Variants in AKAP19 observed in about 807,000 individuals in gnomAD.
AKAP19 encodes the protein small A-kinase anchoring protein.
At chr2:189,937,129 C>T in the AKAP19 span, among the ~76,000 whole-genome samples, 1 of 151,992 alleles carries the variant, frequency 6.6e-6, no homozygotes, top group Non-Finnish European at 1.5e-5. Context: ...AGCAAGACCC[C>T]CTGTCTCTTC....
At chr2:190,192,801 G>A in the AKAP19 span, among the ~76,000 whole-genome samples, 3 of 151,972 alleles carry the variant, frequency 2.0e-5, no homozygotes, top group African/African-American at 7.2e-5. Flanking sequence ...ATTGCAAATG[G>A]CATTAATTTC....
At chr2:190,179,814 T>C in the AKAP19 span, among the ~76,000 whole-genome samples, 6 of 152,234 alleles carry the variant, frequency 3.9e-5, no homozygotes, top group Admixed American at 1.3e-4. The surrounding 1 kb of genome is among the most constrained non-coding windows in gnomAD (Gnocchi z 6.0). Context: ...GTCAAAATTA[T>C]CACTAAGGTC....
chr2:189,962,964 C>T, the AKAP19 span, among the ~76,000 whole-genome samples: 1 of 152,016 alleles, frequency 6.6e-6, no homozygotes, highest in Non-Finnish European at 1.5e-5. Context: ...TGTAGTAAAA[C>T]TTCTTTCAAA....
chr2:189,977,582 A>G, the AKAP19 span, among the ~76,000 whole-genome samples: 1 of 152,238 alleles, frequency 6.6e-6, no homozygotes, highest in African/African-American at 2.4e-5. Context: ...AGAGATAAGC[A>G]GTTGACCACT....
At chr2:189,933,919 T>C in the AKAP19 span, among the ~76,000 whole-genome samples, 1 of 152,102 alleles carries the variant, frequency 6.6e-6, no homozygotes. Context: ...TGGCATGTCC[T>C]AAGAAGTCCA....
chr2:190,055,864 T>C, the AKAP19 span: 1 of 152,188 alleles, frequency 6.6e-6, no homozygotes, highest in African/African-American at 2.4e-5. Flanking sequence ...CATTATCAAA[T>C]TATAAAATAA....
chr2:190,026,593 CA>C, the AKAP19 span, among the ~76,000 whole-genome samples: 2 of 152,012 alleles, frequency 1.3e-5, no homozygotes, highest in Non-Finnish European at 2.9e-5. Context: ...CAAAAGTAAA[CA>C]AAAAAGAATG....
At chr2:190,180,460 G>T in the AKAP19 span, 2 of 985,574 alleles carry the variant, frequency 2.0e-6, no homozygotes, top group South Asian at 9.4e-5. This position sits in a 1 kb window ranked among gnomAD's most constrained non-coding sequence, Gnocchi z 6.8. Context: ...CAGGGCCAGC[G>T]AAATGCCTCG....
the AKAP19 span, among the ~76,000 whole-genome samples, chr2:190,194,266 T>C: frequency 6.6e-6 from 1 of 152,160 alleles, no homozygotes; most frequent in African/African-American, 2.4e-5. Flanking sequence ...GAGCATAATG[T>C]TGTTCAGAAC....
At chr2:189,987,828 G>A in the AKAP19 span, among the ~76,000 whole-genome samples, 40 of 152,274 alleles carry the variant, frequency 2.6e-4, no homozygotes, top group African/African-American at 9.1e-4. Flanking sequence ...CACCCAAGGG[G>A]TTCACCTTGC....
At chr2:189,985,017 A>G in the AKAP19 span, among the ~76,000 whole-genome samples, 3 of 152,244 alleles carry the variant, frequency 2.0e-5, no homozygotes, top group East Asian at 1.9e-4. Context: ...TCAAATTGCC[A>G]CTGATAATGT....
chr2:189,889,511 T>A, the AKAP19 span, among the ~76,000 whole-genome samples: 1 of 152,212 alleles, frequency 6.6e-6, no homozygotes, highest in Non-Finnish European at 1.5e-5. Context: ...TGGTACCCTC[T>A]CCTCTTTGTA....
chr2:189,930,827 T>C, the AKAP19 span: 1 of 798,096 alleles, frequency 1.3e-6, no homozygotes, highest in African/African-American at 1.7e-5. Context: ...CTTTGAGCTA[T>C]CCTAATTTGT....
At chr2:190,007,129 A>C in the AKAP19 span, among the ~76,000 whole-genome samples, 1 of 152,264 alleles carries the variant, frequency 6.6e-6, no homozygotes, top group Non-Finnish European at 1.5e-5. Flanking sequence ...TGTACATTTA[A>C]TCACAGTAGA....
At chr2:190,168,728 C>G in the AKAP19 span, among the ~76,000 whole-genome samples, 336 of 152,324 alleles carry the variant, frequency 2.2e-3, 1 homozygote, top group Middle Eastern at 0.027. Context: ...TCACCAGTCT[C>G]TTTGCTAAAA....
chr2:190,029,350 C>A, the AKAP19 span, among the ~76,000 whole-genome samples: 1 of 151,976 alleles, frequency 6.6e-6, no homozygotes, highest in Admixed American at 6.6e-5. Flanking sequence ...CCGCGCCCAG[C>A]CACATGTAGG....
chr2:190,070,622 C>CCG, the AKAP19 span, among the ~76,000 whole-genome samples: 282 of 136,722 alleles, frequency 2.1e-3, 2 homozygotes, highest in African/African-American at 7.5e-3. Context: ...TCTCCCCCCC[C>CCG]CCTTTTTTTT....
the AKAP19 span, among the ~76,000 whole-genome samples, chr2:189,971,739 GAGC>G: frequency 6.6e-6 from 1 of 152,170 alleles, no homozygotes; most frequent in South Asian, 2.1e-4. Flanking sequence ...GGCCAGTGAT[GAGC>G]ATTTTTTATT....
chr2:189,920,870 G>T, the AKAP19 span, among the ~76,000 whole-genome samples: 1 of 152,174 alleles, frequency 6.6e-6, no homozygotes, highest in African/African-American at 2.4e-5. Context: ...AAGGGTTAAT[G>T]CTTTCTAGGA....
Sources: gnomAD v4.1 joint callset for allele counts (sites outside exome capture counted in the v4.1 genomes callset) on GRCh38, gnomAD v4.1.1 for gene constraint, Gnocchi (gnomAD v3.1) non-coding constraint, MANE v1.5 for transcripts, NCBI Gene and HGNC (gene_info 2026-07-23, HGNC 2026-07-21) for gene names.